The following C4orf17 variants were observed in gnomAD, a reference collection of about 807,000 sequenced individuals.
The protein encoded by C4orf17 is uncharacterized protein C4orf17.
C4orf17 carries 25 observed loss-of-function variants against 32.0 expected under a neutral mutation model. That is an observed-to-expected ratio of 0.78 (90% CI 0.57 to 1.09). The LOEUF is 1.09. C4orf17 is among the 50% of genes least tolerant of loss of function. C4orf17 has a pLI of 0.00. For missense variants in C4orf17, 420 were observed against 420.0 expected, an observed-to-expected ratio of 1.00 and a Z score of 0.00; for synonymous variants, 149 against 145.8, an observed-to-expected ratio of 1.02 and a Z score of -0.16.
At chr4:99,529,791 G>C in intron 4 of C4orf17, 24 bp from the exon 5 acceptor site, 2 of 1,573,456 alleles carry the variant, frequency 1.3e-6, no homozygotes, top group Non-Finnish European at 1.7e-6. Flanking sequence ...AATGTATATT[G>C]GTTATATTAT....
At chr4:99,534,146 C>T (rs1238196020) in intron 5 of C4orf17, among the ~76,000 whole-genome samples, 1 of 152,114 alleles carries the variant, frequency 6.6e-6, no homozygotes, top group African/African-American at 2.4e-5. Context: ...CCCCCAACTC[C>T]CCCTGACAGG....
chr4:99,535,034 T>C (rs1159139267), intron 5 of C4orf17, among the ~76,000 whole-genome samples: 1 of 152,220 alleles, frequency 6.6e-6, no homozygotes, highest in Non-Finnish European at 1.5e-5. Context: ...GGTTGGAAAC[T>C]CTTTTCTTTA....
In C4orf17 at chr4:99,535,589, G is replaced by C. The variant is rs374847394; in HGVS notation, c.547-2080G>C. On this transcript the variant is annotated intron_variant, in intron 5 of 8. Transcript: ENST00000326581. ...TGTGTTTTTCAGCTCCATCAGGTCAGTTATGTTCCTCTCTAAACTGGCTAT... is the reference window on the plus strand; with the variant it reads ...TGTGTTTTTCAGCTCCATCAGGTCACTTATGTTCCTCTCTAAACTGGCTAT... 3.9e-5 allele frequency among the ~76,000 whole-genome samples: 6 copies of C among 152,210 alleles called. No individual in the cohort carries two copies. The South Asian group carries it at 8.3e-4, about 21-fold the overall frequency.
chr4:99,525,050 G>A (rs1233891106), intron 4 of C4orf17, among the ~76,000 whole-genome samples: 2 of 152,124 alleles, frequency 1.3e-5, no homozygotes, highest in African/African-American at 2.4e-5. Flanking sequence ...GTATTCAATT[G>A]TATGGTTATC....
chr4:99,513,099 G>A lies in C4orf17; in HGVS notation c.18G>A (p.Pro6=), dbSNP rs758599896. 23 of 1,613,634 alleles carry A rather than the reference G, an allele frequency of 1.4e-5. No individual in the cohort carries two copies. Among genetic ancestry groups the A allele is most frequent in the African/African-American group, 2.7e-5 (2 of 74,872 alleles). ...CCACAAACATGAACCTCAACCCCCC[G>A]ACATCTGCTCTTCAGATCGAGGGCA... is the stretch of plus-strand genomic sequence containing the variant. MNLNP[P]TSALQIEGKG... Residue 6 remains proline, a synonymous_variant, in exon 2 of 9, where the codon CCG becomes CCA. Transcript: ENST00000326581.
Position 99,542,056 on chromosome 4 carries a change from G to A in C4orf17, c.1027G>A (p.Glu343Lys). Residue 343 changes from glutamate to lysine, a missense_variant, in exon 9 of 9, where the codon GAA becomes AAA. Coordinates refer to ENST00000326581, the MANE Select transcript of C4orf17 (RefSeq NM_032149.3). ...ACCAGTGTCAGCAAGGAGTATACAAGAATACAACCTCTGTCCCCAAAGAGC... is the reference window on the plus strand; with the variant it reads ...ACCAGTGTCAGCAAGGAGTATACAAAAATACAACCTCTGTCCCCAAAGAGC... ...AKPVSARSIQ[E>K]YNLCPQRACY... 1 of 1,614,098 alleles carries A rather than the reference G, an allele frequency of 6.2e-7. No homozygotes were observed. The highest frequency in any genetic ancestry group is 1.1e-5 in the South Asian group (1 of 91,084).
intron 5 of C4orf17, among the ~76,000 whole-genome samples, chr4:99,533,522 A>G (rs1723511030): frequency 6.6e-6 from 1 of 152,166 alleles, no homozygotes; most frequent in South Asian, 2.1e-4. Context: ...GTGGAGCCTG[A>G]ACAGAGAGCA....
At chr4:99,522,436 A>T (rs1160574680) in intron 2 of C4orf17, 64 bp from the exon 3 acceptor site, 3 of 1,262,270 alleles carry the variant, frequency 2.4e-6, no homozygotes. Context: ...CATTCAAAGA[A>T]AACCTTCCAA....
intron 2 of C4orf17, among the ~76,000 whole-genome samples, chr4:99,520,256 A>AT (rs34760915): frequency 0.6 from 90,160 of 149,946 alleles, 27,861 homozygotes; most frequent in East Asian, 0.79. Flanking sequence ...TGCCCAGCTA[A>AT]TTTTTTTTTT....
chr4:99,530,091 T>C, intron 5 of C4orf17, 133 bp downstream of exon 5: 1 of 682,252 alleles, frequency 1.5e-6, no homozygotes, highest in South Asian at 2.9e-5. Context: ...CTGCTTAGCC[T>C]GAAATCCAAG....
Position 99,513,177 on chromosome 4 carries a change from C to T in C4orf17, c.96C>T (p.Thr32=). ...RNVSCFLVRH[T]PHPRRVCHIK... Reference sequence around the variant, plus strand: ...TAAGCTGCTTTCTAGTCAGGCACACCCCTCATCCCAGAAGAGTCTGCCACA... The same window carrying T: ...TAAGCTGCTTTCTAGTCAGGCACACTCCTCATCCCAGAAGAGTCTGCCACA... Residue 32 remains threonine, a synonymous_variant, in exon 2 of 9, where the codon ACC becomes ACT. Transcript: ENST00000326581. The T allele has an allele frequency of 1.2e-6, 2 of 1,613,862 alleles. No individual in the cohort carries two copies. The highest frequency in any genetic ancestry group is 1.1e-5 in the South Asian group (1 of 91,064).
At position 99,525,552 on chromosome 4, in the gene C4orf17, T is replaced by C. The variant is rs146288114; in HGVS notation, c.402+967T>C. ...GCTCACACCTGTAATCCCAGAACTT[T>C]GGGAGGCCAAGGCAGGCAGATCATG... On this transcript the variant is annotated intron_variant, in intron 4 of 8. Transcript: ENST00000326581. 2.9e-3 allele frequency among the ~76,000 whole-genome samples: 444 copies of C among 152,226 alleles called. 4 individuals carry two copies. The highest frequency in any genetic ancestry group is 5.3e-3 in the Non-Finnish European group (358 of 67,986).
intron 5 of C4orf17, among the ~76,000 whole-genome samples, chr4:99,536,445 C>T (rs1723564024): frequency 6.6e-6 from 1 of 152,134 alleles, no homozygotes; most frequent in South Asian, 2.1e-4. Context: ...CACAGGAAGG[C>T]CCCACCCAGT....
intron 5 of C4orf17, among the ~76,000 whole-genome samples, chr4:99,532,540 A>G (rs1723493027): frequency 6.6e-6 from 1 of 151,950 alleles, no homozygotes; most frequent in Non-Finnish European, 1.5e-5. Flanking sequence ...GGCACTGGAA[A>G]CTCCAAAATG....
intron 4 of C4orf17, among the ~76,000 whole-genome samples, chr4:99,526,654 T>TC (rs1194945541): frequency 1.3e-5 from 2 of 150,896 alleles, no homozygotes; most frequent in African/African-American, 2.4e-5. Context: ...TTCTTTTCTT[T>TC]TTTTTTTTTT....
intron 1 of C4orf17, among the ~76,000 whole-genome samples, chr4:99,512,526 T>C (rs1723110608): frequency 1.3e-5 from 2 of 152,164 alleles, no homozygotes; most frequent in African/African-American, 4.8e-5. Flanking sequence ...TTTACCATTC[T>C]CTCCGAAGAT....
Position 99,529,856 on chromosome 4 carries a change from A to G in C4orf17, c.444A>G (p.Ala148=), listed in dbSNP as rs768660292. Residue 148 remains alanine, a synonymous_variant, in exon 5 of 9, where the codon GCA becomes GCG. Coordinates refer to ENST00000326581, the MANE Select transcript of C4orf17 (RefSeq NM_032149.3). Reference sequence around the variant, plus strand: ...AAAGACCACCATCACCTCCAAAGGCATGCTCTACTCCTGGCTCCTGTTCTT... The same window carrying G: ...AAAGACCACCATCACCTCCAAAGGCGTGCTCTACTCCTGGCTCCTGTTCTT... The part of the protein sequence containing the change: ...KAKRPPSPPK[A]CSTPGSCSSG... 3 of 1,613,272 alleles carry G rather than the reference A, an allele frequency of 1.9e-6. No homozygotes were observed. Among genetic ancestry groups the G allele is most frequent in the Admixed American group, 3.3e-5 (2 of 59,976 alleles).
rs1340216766 is a variant in C4orf17 at position 99,511,164 on chromosome 4, TTTAAGGAGA to T, written c.-200_-192del. On this transcript the variant is annotated 5_prime_UTR_variant, in exon 1 of 9. An upstream open reading frame in the 5' UTR loses its in-frame stop. Coordinates refer to ENST00000326581, the MANE Select transcript of C4orf17 (RefSeq NM_032149.3). ...AAAACTTCTAGCTTAAGTGCAGAGA[TTTAAGGAGA>T]TCAACAAAAACTCAGTCTAGACATA... 6.6e-6 allele frequency: 1 copy of T among 152,168 alleles called. No homozygotes were observed. Among genetic ancestry groups the T allele is most frequent in the Non-Finnish European group, 1.5e-5 (1 of 68,004 alleles). 9.4% of individuals were successfully genotyped at this position (152,168 alleles called of 1,614,324 possible).
Position 99,539,317 on chromosome 4 carries a change from T to C in C4orf17, c.783T>C (p.Phe261=). The C allele has an allele frequency of 1.2e-6, 2 of 1,614,106 alleles. No homozygotes were observed. Among genetic ancestry groups the C allele is most frequent in the Non-Finnish European group, 1.7e-6 (2 of 1,179,944 alleles). Reference sequence around the variant, plus strand: ...CCACAGTTAAATTGCCCCCAAATTTTACTGCAAAATCAAAAGTGCTGACCA... The same window carrying C: ...CCACAGTTAAATTGCCCCCAAATTTCACTGCAAAATCAAAAGTGCTGACCA... ...SPPTVKLPPN[F]TAKSKVLTRD... Residue 261 remains phenylalanine (F), a synonymous_variant, in exon 7 of 9, where the codon TTT becomes TTC. Transcript: ENST00000326581.
Sources: allele counts gnomAD v4.1 joint callset (sites outside exome capture counted in the v4.1 genomes callset), GRCh38; gene constraint gnomAD v4.1.1; transcripts MANE v1.5; gene names NCBI Gene and HGNC (gene_info 2026-07-23, HGNC 2026-07-21).